Variants in ATE1 observed in about 807,000 individuals in gnomAD.
ATE1 encodes arginyltransferase 1, also known as arginyl-tRNA--protein transferase 1.
A neutral mutation model predicts 70.5 loss-of-function variants in ATE1; 36 were observed. The observed-to-expected ratio is 0.51, with a 90% CI of 0.39 to 0.67. The LOEUF is 0.67. ATE1 is among the 30% of genes least tolerant of loss of function. The pLI, the probability that ATE1 is intolerant of heterozygous loss-of-function variation, is 0.00. For missense variants in ATE1, 593 were observed against 629.5 expected (o/e 0.94, Z 0.62); for synonymous variants, 232 against 219.3 (o/e 1.06, Z -0.51).
chr10:121,864,756 C>A (rs1949602915), intron 8 of ATE1, among the ~76,000 whole-genome samples: 1 of 151,476 alleles, frequency 6.6e-6, no homozygotes, highest in South Asian at 2.1e-4. Flanking sequence ...TTTTTTAAGG[C>A]TTTTTTAGGG....
At chr10:121,814,340 G>C (rs1947449314) in intron 10 of ATE1, among the ~76,000 whole-genome samples, 2 of 152,152 alleles carry the variant, frequency 1.3e-5, no homozygotes, top group Admixed American at 6.5e-5. Flanking sequence ...GGATTTAAGA[G>C]AGCTATATGA....
chr10:121,894,820 G>A (rs891577396), intron 7 of ATE1, among the ~76,000 whole-genome samples: 3 of 152,086 alleles, frequency 2.0e-5, no homozygotes, highest in East Asian at 1.9e-4. Flanking sequence ...AGAATGGCCC[G>A]AACCCGAGAG....
intron 10 of ATE1, among the ~76,000 whole-genome samples, chr10:121,834,328 T>C (rs1486151135): frequency 6.6e-6 from 1 of 152,190 alleles, no homozygotes; most frequent in African/African-American, 2.4e-5. Flanking sequence ...GCCTGTATTG[T>C]TCATGGCTGT....
chr10:121,836,854 A>C (rs764367459), intron 9 of ATE1, 37 bp from the exon 10 acceptor site: 2 of 1,292,040 alleles, frequency 1.5e-6, no homozygotes, highest in South Asian at 1.3e-5. Flanking sequence ...AAGGCAGTTA[A>C]TTCTGGTTCT....
intron 11 of ATE1, among the ~76,000 whole-genome samples, chr10:121,789,394 G>A (rs1330561984): frequency 7.1e-6 from 1 of 141,008 alleles, no homozygotes; most frequent in Non-Finnish European, 1.5e-5. Flanking sequence ...CACCTCCCAG[G>A]TTCAAGCGAT....
intron 7 of ATE1, among the ~76,000 whole-genome samples, chr10:121,871,243 G>A (rs569495508): frequency 4.1e-4 from 63 of 152,228 alleles, no homozygotes; most frequent in Middle Eastern, 3.4e-3. Context: ...TCACCTGAGG[G>A]AGGACAGGAG....
chr10:121,769,229 A>G (rs1945401989), intron 11 of ATE1, among the ~76,000 whole-genome samples: 1 of 152,190 alleles, frequency 6.6e-6, no homozygotes, highest in African/African-American at 2.4e-5. Flanking sequence ...TAAACAAACC[A>G]TAATAGCCCC....
Position 121,900,109 on chromosome 10 carries a change from A to G in ATE1, c.814-115T>C. 3.5e-6 allele frequency: 4 copies of G among 1,151,760 alleles called. No individual in the cohort carries two copies. The East Asian group carries it at 7.9e-5, about 23-fold the overall frequency. The allele number at this position is 1,151,760 out of a possible 1,614,324, so 71.3% of individuals were successfully genotyped here. On this transcript the variant is annotated intron_variant, in intron 6 of 11. Coordinates refer to ENST00000224652, the MANE Select transcript of ATE1 (RefSeq NM_001001976.3). ...ACCAAGTTTCAACAATTATTAAAGC[A>G]CCTAAATATTTTAATATTAAAAACC...
At chr10:121,796,504 T>C (rs1291904558) in intron 10 of ATE1, among the ~76,000 whole-genome samples, 1 of 152,060 alleles carries the variant, frequency 6.6e-6, no homozygotes. Context: ...AAAAACAAAA[T>C]GAAACAAACT....
rs144065379 is a variant in ATE1 at position 121,803,273 on chromosome 10, A to G, written c.1258-12984T>C. Among the ~76,000 whole-genome samples the G allele has an allele frequency of 3.7e-3, 563 of 152,296 alleles. 3 individuals carry two copies. The highest frequency in any genetic ancestry group is 0.012 in the African/African-American group (515 of 41,560). ...ATTCAGTTAAGCTGATTTCTGTCCA[A>G]TCGTATTTCTTAAAAAGAGAGAACC... On this transcript the variant is annotated intron_variant, in intron 10 of 11. Transcript: ENST00000224652.
At chr10:121,749,777 C>T (rs1467502492) in intron 11 of ATE1, among the ~76,000 whole-genome samples, 4 of 152,138 alleles carry the variant, frequency 2.6e-5, no homozygotes, top group Non-Finnish European at 5.9e-5. Flanking sequence ...AACACCCATC[C>T]AAGTTACCAG....
At chr10:121,815,308 T>TTG (rs1462588048) in intron 10 of ATE1, among the ~76,000 whole-genome samples, 4 of 152,184 alleles carry the variant, frequency 2.6e-5, no homozygotes, top group Non-Finnish European at 5.9e-5. Flanking sequence ...GCTAATTTTT[T>TTG]TGTATTTTTA....
intron 11 of ATE1, among the ~76,000 whole-genome samples, chr10:121,768,687 T>C (rs922771872): frequency 5.3e-5 from 8 of 152,330 alleles, no homozygotes; most frequent in Admixed American, 5.2e-4. Context: ...CTAGTGTCAA[T>C]GTTTCTTCAA....
At chr10:121,902,310 A>T in intron 6 of ATE1, 81 bp downstream of exon 6, 1 of 1,237,806 alleles carries the variant, frequency 8.1e-7, no homozygotes, top group Non-Finnish European at 1.1e-6. Context: ...TCAACTAATT[A>T]GAACTTCAAA....
At chr10:121,780,695 C>T (rs559569420) in intron 11 of ATE1, among the ~76,000 whole-genome samples, 174 of 152,300 alleles carry the variant, frequency 1.1e-3, no homozygotes, top group African/African-American at 4.0e-3. Flanking sequence ...GCCAACCAGG[C>T]CTTCTGAATA....
chr10:121,896,624 C>T (rs1006668153), intron 7 of ATE1, among the ~76,000 whole-genome samples: 3 of 151,870 alleles, frequency 2.0e-5, no homozygotes, highest in Non-Finnish European at 2.9e-5. Flanking sequence ...GCCTGGCCAA[C>T]ATGGTGAAAC....
intron 7 of ATE1, among the ~76,000 whole-genome samples, chr10:121,873,450 G>C (rs1226118204): frequency 1.3e-5 from 2 of 151,960 alleles, no homozygotes; most frequent in Non-Finnish European, 1.5e-5. Context: ...TTCATCATCG[G>C]TAGCCTGACT....
At chr10:121,786,919 C>T (rs1946239814) in intron 11 of ATE1, among the ~76,000 whole-genome samples, 1 of 152,072 alleles carries the variant, frequency 6.6e-6, no homozygotes, top group South Asian at 2.1e-4. Flanking sequence ...AAAAATCTAA[C>T]AGACTTTTAC....
chr10:121,748,300 T>C (rs1447140996), intron 11 of ATE1, among the ~76,000 whole-genome samples: 1 of 152,196 alleles, frequency 6.6e-6, no homozygotes, highest in Non-Finnish European at 1.5e-5. Flanking sequence ...CAGTATGATA[T>C]ATACAAATAA....
Sources: allele counts gnomAD v4.1 joint callset (sites outside exome capture counted in the v4.1 genomes callset), GRCh38; gene constraint gnomAD v4.1.1; transcripts MANE v1.5; gene names NCBI Gene and HGNC (gene_info 2026-07-23, HGNC 2026-07-21).